NRSN2: variants seen among roughly 807,000 people sequenced by gnomAD.
The protein encoded by NRSN2 is neurensin 2, also known as neurensin-2.
Under a neutral mutation model 11.1 loss-of-function variants are expected in NRSN2, and 10 were observed. The ratio of observed to expected loss-of-function variants is 0.90; its 90% CI spans 0.56 to 1.53. The LOEUF is 1.53. NRSN2 is among the 40% of genes most tolerant of loss of function. The pLI is 0.00. For synonymous variants in NRSN2, 100 were observed against 117.0 expected (o/e 0.86, Z 0.94); for missense variants, 260 against 273.7 (o/e 0.95, Z 0.35).
intron 2 of NRSN2, among the ~76,000 whole-genome samples, chr20:348,838 G>A (rs6051380): frequency 6.6e-6 from 1 of 150,578 alleles, no homozygotes; most frequent in Non-Finnish European, 1.5e-5. Context: ...CCCAAGATCC[G>A]TGTCCACTTT....
chr20:350,418 G>A (rs1364228433), intron 4 of NRSN2, among the ~76,000 whole-genome samples: 7 of 150,532 alleles, frequency 4.7e-5, no homozygotes, highest in Non-Finnish European at 1.0e-4. Context: ...GGTGGAGGTT[G>A]CAGTGAGCTG....
In NRSN2 at chr20:347,261, C is replaced by G. The variant is rs1306968887; in HGVS notation, c.-201+119C>G. 1 of 152,548 alleles carries G rather than the reference C, an allele frequency of 6.6e-6. No individual in the cohort carries two copies. The highest frequency in any genetic ancestry group is 2.4e-5 in the African/African-American group (1 of 41,454). 9.4% of individuals were successfully genotyped at this position (152,548 alleles called of 1,614,324 possible). A position where few individuals can be genotyped will look rare whatever the true frequency, so the allele number is the denominator to read the frequency against. On this transcript the variant is annotated intron_variant, in intron 1 of 4. Transcript: ENST00000382285. The surrounding 1 kb of genome is among the most constrained non-coding windows in gnomAD (Gnocchi z 7.0). ...CCCGCCAGGGCCGGGACCTTTGCGC[C>G]TGAGCCTCGGCTTTGGGAGGTGGGG... is the stretch of plus-strand genomic sequence containing the variant.
chr20:348,604 C>T (rs2013668531), intron 2 of NRSN2, among the ~76,000 whole-genome samples: 1 of 150,734 alleles, frequency 6.6e-6, no homozygotes, highest in Non-Finnish European at 1.5e-5. Context: ...CGGTGAGTTT[C>T]TCTATGCAGG....
At chr20:349,404 C>T (rs760477501) in intron 3 of NRSN2, 41 bp downstream of exon 3, 16 of 419,738 alleles carry the variant, frequency 3.8e-5, no homozygotes, top group Non-Finnish European at 6.4e-5. Context: ...CATTTATTGA[C>T]ACCTCCAATT....
At chr20:350,672 A>G (rs993607429) in intron 4 of NRSN2, among the ~76,000 whole-genome samples, 7 of 100,568 alleles carry the variant, frequency 7.0e-5, no homozygotes, top group African/African-American at 2.1e-4. Flanking sequence ...AAAAAAAAAA[A>G]AAAAGAAAAA....
intron 2 of NRSN2, chr20:348,128 G>C (rs930583417): frequency 7.9e-5 from 12 of 152,318 alleles, no homozygotes; most frequent in African/African-American, 2.9e-4. Context: ...GTCTCCGCAC[G>C]GAGGCTCCTA....
Position 353,485 on chromosome 20 carries a change from C to A in NRSN2, c.465C>A (p.Ala155=), listed in dbSNP as rs200599604. 1.2e-6 allele frequency: 2 copies of A among 1,614,150 alleles called. No homozygotes were observed. Among genetic ancestry groups the A allele is most frequent in the Admixed American group, 3.3e-5 (2 of 60,016 alleles). ...DTKAEPLDPE[A]DSHVEVFGDE... Reference sequence around the variant, plus strand: ...AGGCAGAGCCCTTGGACCCCGAAGCCGACAGCCACGTGGAGGTCTTCGGGG... The same window carrying A: ...AGGCAGAGCCCTTGGACCCCGAAGCAGACAGCCACGTGGAGGTCTTCGGGG... Residue 155 remains alanine (A), a synonymous_variant, in exon 5 of 5, where the codon GCC becomes GCA. Coordinates refer to ENST00000382285, the MANE Select transcript of NRSN2 (RefSeq NM_001323682.2).
At chr20:349,610 C>T (rs201369030) in intron 3 of NRSN2, 28 bp from the exon 4 acceptor site, 17 of 1,576,872 alleles carry the variant, frequency 1.1e-5, no homozygotes, top group South Asian at 3.4e-5. Flanking sequence ...TCCCTCCCTC[C>T]GTCAGCTGCA....
In NRSN2 at chr20:353,472, T is replaced by G; in HGVS notation, c.452T>G (p.Leu151Trp). 3 of 1,614,122 alleles carry G rather than the reference T, an allele frequency of 1.9e-6. No homozygotes were observed. The highest frequency in any genetic ancestry group is 1.7e-6 in the Non-Finnish European group (2 of 1,180,020). ...WLSQDTKAEP[L>W]DPEADSHVEV... ...AGCCAGGACACCAAGGCAGAGCCCT[T>G]GGACCCCGAAGCCGACAGCCACGTG... Residue 151 changes from leucine to tryptophan, a missense_variant, in exon 5 of 5, where the codon TTG (leucine) becomes TGG (tryptophan). Transcript: ENST00000382285.
chr20:350,393 C>A (rs2013841165), intron 4 of NRSN2, among the ~76,000 whole-genome samples: 2 of 149,264 alleles, frequency 1.3e-5, no homozygotes, highest in Admixed American at 1.3e-4. Context: ...GCAGGAGAAT[C>A]ACTTGAAACC....
rs772844966 is a variant in NRSN2, at chr20:353,835, G to A, written c.*200G>A. On this transcript the variant is annotated 3_prime_UTR_variant, in exon 5 of 5. Transcript: ENST00000382285. The stretch of plus-strand genomic sequence containing the variant: ...CTTCCAAGATACCAGCATTCCTCAA[G>A]TCCTCCCAAAACTTCCTACCCACAC... 171 of 586,450 alleles carry A rather than the reference G, an allele frequency of 2.9e-4. No individual in the cohort carries two copies. Among genetic ancestry groups the A allele is most frequent in the Non-Finnish European group, 4.7e-4 (160 of 338,364 alleles). 36.3% of individuals were successfully genotyped at this position (586,450 alleles called of 1,614,324 possible).
At position 349,635 on chromosome 20, in the gene NRSN2, C is replaced by T; in HGVS notation, c.-6-3C>T. The T allele has an allele frequency of 6.2e-7, 1 of 1,607,522 alleles. No individual in the cohort carries two copies. The highest frequency in any genetic ancestry group is 1.3e-5 in the African/African-American group (1 of 74,926). Reference sequence around the variant, plus strand: ...CGTCAGCTGCACCTTACCTGCTCCCCAGGGGTCCATGATGCCGAGCTGCAA... The same window carrying T: ...CGTCAGCTGCACCTTACCTGCTCCCTAGGGGTCCATGATGCCGAGCTGCAA... On this transcript the variant is annotated splice_polypyrimidine_tract_variant and splice_region_variant and intron_variant, in intron 3 of 4. Coordinates refer to ENST00000382285, the MANE Select transcript of NRSN2 (RefSeq NM_001323682.2).
chr20:349,642 C>A lies in NRSN2; in HGVS notation c.-2C>A. 1 of 1,609,260 alleles carries A rather than the reference C, an allele frequency of 6.2e-7. No homozygotes were observed. The highest frequency in any genetic ancestry group is 1.1e-5 in the South Asian group (1 of 90,854). On this transcript the variant is annotated 5_prime_UTR_variant, in exon 4 of 5. Transcript: ENST00000382285. ...TGCACCTTACCTGCTCCCCAGGGGT[C>A]CATGATGCCGAGCTGCAATCGTTCC...
chr20:348,483 C>CGGTGTGTGTGTGTGTGTG (rs1568514032), intron 2 of NRSN2: 19 of 32,338 alleles, frequency 5.9e-4, no homozygotes, highest in African/African-American at 3.3e-3. Context: ...GAACCTCCAA[C>CGGTGTGTGTGTGTGTGTG]CGTGTGTGTG....
At position 353,715 on chromosome 20, in the gene NRSN2, T is replaced by G; in HGVS notation, c.*80T>G. The G allele has an allele frequency of 6.9e-7, 1 of 1,441,850 alleles. No individual in the cohort carries two copies. Among genetic ancestry groups the G allele is most frequent in the Non-Finnish European group, 9.5e-7 (1 of 1,058,078 alleles). 89.3% of individuals were successfully genotyped at this position (1,441,850 alleles called of 1,614,324 possible). The stretch of plus-strand genomic sequence containing the variant: ...AACCCCCTCTCAGTGTTTCCCCAAC[T>G]TCTCCCTTTTAGCAGGGTCCCTTTA... On this transcript the variant is annotated 3_prime_UTR_variant, in exon 5 of 5. Transcript: ENST00000382285.
rs1227924852 is a variant in NRSN2 at position 354,505 on chromosome 20, G to C, written c.*870G>C. On this transcript the variant is annotated 3_prime_UTR_variant, in exon 5 of 5. Transcript: ENST00000382285. ...CCGGGGGTAGGGGGCAGGAAAAGTGGGTTGTCTTTGCCCCTCAAAGTCCAC... is the reference window on the plus strand; with the variant it reads ...CCGGGGGTAGGGGGCAGGAAAAGTGCGTTGTCTTTGCCCCTCAAAGTCCAC... The C allele has an allele frequency of 1.3e-5, 2 of 152,394 alleles. No individual in the cohort carries two copies. Among genetic ancestry groups the C allele is most frequent in the Admixed American group, 6.5e-5 (1 of 15,282 alleles). The allele number at this position is 152,394 out of a possible 1,614,324, so 9.4% of individuals were successfully genotyped here. A position where few individuals can be genotyped will look rare whatever the true frequency, so the allele number is the denominator to read the frequency against.
chr20:349,186 A>G (rs908387816), intron 2 of NRSN2, 63 bp from the exon 3 acceptor site: 5 of 153,900 alleles, frequency 3.2e-5, no homozygotes, highest in African/African-American at 1.2e-4. Context: ...AACAGCTACC[A>G]TTTCTCAGCA....
chr20:349,886 G>A, intron 4 of NRSN2, 54 bp downstream of exon 4: 1 of 1,531,954 alleles, frequency 6.5e-7, no homozygotes, highest in African/African-American at 1.4e-5. Flanking sequence ...GAGGAAATGA[G>A]TCTGAATTTG....
chr20:349,631 T>A lies in NRSN2; in HGVS notation c.-6-7T>A. 2 of 1,602,174 alleles carry A rather than the reference T, an allele frequency of 1.2e-6. No homozygotes were observed. The highest frequency in any genetic ancestry group is 1.7e-6 in the Non-Finnish European group (2 of 1,173,578). ...CCTCCGTCAGCTGCACCTTACCTGC[T>A]CCCCAGGGGTCCATGATGCCGAGCT... is the stretch of plus-strand genomic sequence containing the variant. On this transcript the variant is annotated splice_polypyrimidine_tract_variant and splice_region_variant and intron_variant, in intron 3 of 4. Transcript: ENST00000382285.
Sources: allele counts gnomAD v4.1 joint callset (sites outside exome capture counted in the v4.1 genomes callset), GRCh38; gene constraint gnomAD v4.1.1; non-coding constraint Gnocchi (gnomAD v3.1); transcripts MANE v1.5; gene names NCBI Gene and HGNC (gene_info 2026-07-23, HGNC 2026-07-21).